Variants in EDA observed in about 807,000 individuals in gnomAD.
EDA encodes the protein ectodysplasin A, also known as ectodysplasin-A.
Under a neutral mutation model 23.6 loss-of-function variants are expected in EDA, and 2 were observed. The observed-to-expected ratio is 0.08, with a 90% confidence interval of 0.03 to 0.27. EDA has a LOEUF of 0.27. Ranked by LOEUF, EDA falls within the 10% of genes least tolerant of loss-of-function variation. The pLI, the probability that EDA is intolerant of heterozygous loss-of-function variation, is 1.00. For missense variants in EDA, 229 were observed against 324.2 expected (o/e 0.71, Z 2.26); for synonymous variants, 131 against 132.0 (o/e 0.99, Z 0.05).
At chrX:70,006,425 T>A (rs1029901428) in intron 2 of EDA, among the ~76,000 whole-genome samples, 1 of 112,340 alleles carries the variant, frequency 8.9e-6, no homozygotes, top group Non-Finnish European at 1.9e-5. Context: ...TTCTAAGAGA[T>A]GTTTGGTGCT....
At chrX:70,002,967 C>T (rs999786754) in intron 2 of EDA, among the ~76,000 whole-genome samples, 2 of 112,341 alleles carry the variant, frequency 1.8e-5, no homozygotes, top group South Asian at 7.5e-4. Context: ...TTTCTGCCAG[C>T]CATCTGCTGG....
rs748032215 is a variant in EDA at position 70,016,190 on chromosome X, A to G, written c.503-7028A>G. Reference sequence around the variant, plus strand: ...CAACAAGAAGACCTAGCTATCCTAAATATATATGTACCCAACACAGGAGTA... The same window carrying G: ...CAACAAGAAGACCTAGCTATCCTAAGTATATATGTACCCAACACAGGAGTA... On this transcript the variant is annotated intron_variant, in intron 2 of 7. Transcript: ENST00000374552. Among the ~76,000 whole-genome samples the G allele has an allele frequency of 1.5e-3, 171 of 112,000 alleles. 1 individual carries two copies. The highest frequency in any genetic ancestry group is 5.4e-3 in the African/African-American group (168 of 30,837).
At position 69,784,217 on chromosome X, in the gene EDA, A is replaced by G. The variant is rs1223654805; in HGVS notation, c.396+167513A>G. Reference sequence around the variant, plus strand: ...CCCTTTGTCAGATGAGTAGGTTGTGAAAATTTTCTCCCATTCTGTAGGTTG... The same window carrying G: ...CCCTTTGTCAGATGAGTAGGTTGTGGAAATTTTCTCCCATTCTGTAGGTTG... On this transcript the variant is annotated intron_variant, in intron 1 of 7. Coordinates refer to ENST00000374552, the MANE Select transcript of EDA (RefSeq NM_001399.5). Among the ~76,000 whole-genome samples, 3 of 98,597 alleles carry G rather than the reference A, an allele frequency of 3.0e-5. No individual in the cohort carries two copies. The Admixed American group carries it at 3.3e-4, about 11-fold the overall frequency. The allele number at this position is 98,597 out of a possible 115,157, so 85.6% of individuals were successfully genotyped here. A position where few individuals can be genotyped will look rare whatever the true frequency, so the allele number is the denominator to read the frequency against.
chrX:69,942,083 CT>C (rs1402380432), intron 1 of EDA, among the ~76,000 whole-genome samples: 2 of 111,815 alleles, frequency 1.8e-5, no homozygotes, highest in Admixed American at 1.9e-4. Context: ...ACACTCTACA[CT>C]TTAACTTCAT....
intron 3 of EDA, among the ~76,000 whole-genome samples, chrX:70,026,841 C>G (rs1331423415): frequency 9.1e-6 from 1 of 110,421 alleles, no homozygotes; most frequent in Non-Finnish European, 1.9e-5. Context: ...CTCAATATCT[C>G]TCTCTCTCCC....
intron 1 of EDA, among the ~76,000 whole-genome samples, chrX:69,728,148 C>T (rs1277427225): frequency 9.2e-6 from 1 of 108,260 alleles, no homozygotes; most frequent in African/African-American, 3.4e-5. Context: ...GGGAGGCTGA[C>T]GTGGGAGAAT....
At chrX:69,987,299 AATT>A (rs1196762761) in intron 2 of EDA, among the ~76,000 whole-genome samples, 1,209 of 93,277 alleles carry the variant, frequency 0.013, 17 homozygotes, top group African/African-American at 0.043. Context: ...TAAAAAAAAA[AATT>A]TTTTTTTTTA....
chrX:70,006,806 G>A (rs1602601035), intron 2 of EDA, among the ~76,000 whole-genome samples: 1 of 110,485 alleles, frequency 9.1e-6, no homozygotes, highest in African/African-American at 3.3e-5. Flanking sequence ...TTCTTTCACA[G>A]ATTGTGCTTT....
rs1411893471 is a variant in EDA, at chrX:70,037,547, A to T, written c.*1938A>T. The T allele has an allele frequency of 2.7e-5, 3 of 112,091 alleles. No homozygotes were observed. The highest frequency in any genetic ancestry group is 9.7e-5 in the African/African-American group (3 of 30,772). 9.2% of individuals were successfully genotyped at this position (112,091 alleles called of 1,213,427 possible). ...ATCATTGTTTAGATGAGGCTCAGAG[A>T]GGTAGCACTCTCAGAGTGTTTTGAC... On this transcript the variant is annotated 3_prime_UTR_variant, in exon 8 of 8. Coordinates refer to ENST00000374552, the MANE Select transcript of EDA (RefSeq NM_001399.5).
intron 1 of EDA, among the ~76,000 whole-genome samples, chrX:69,927,455 T>C (rs2018537675): frequency 8.9e-6 from 1 of 111,829 alleles, no homozygotes; most frequent in African/African-American, 3.2e-5. Flanking sequence ...AAAATTCTTT[T>C]CTAAGAATGT....
At chrX:69,822,536 G>A (rs2016255391) in intron 1 of EDA, among the ~76,000 whole-genome samples, 1 of 110,907 alleles carries the variant, frequency 9.0e-6, no homozygotes, top group South Asian at 3.9e-4. Flanking sequence ...GAGGGTGAGT[G>A]CCAAAAAGCC....
chrX:69,659,363 G>A (rs1464128038), intron 1 of EDA, among the ~76,000 whole-genome samples: 1 of 111,882 alleles, frequency 8.9e-6, no homozygotes, highest in African/African-American at 3.2e-5. Flanking sequence ...CACCACAGTG[G>A]TATTCCTGGG....
intron 1 of EDA, among the ~76,000 whole-genome samples, chrX:69,803,424 A>G (rs1569337805): frequency 9.0e-6 from 1 of 110,886 alleles, no homozygotes; most frequent in Non-Finnish European, 1.9e-5. Context: ...CAGTTTGTCC[A>G]TAAATAGGCC....
At chrX:69,874,622 T>C (rs1220689947) in intron 1 of EDA, among the ~76,000 whole-genome samples, 2 of 111,457 alleles carry the variant, frequency 1.8e-5, no homozygotes, top group Non-Finnish European at 3.8e-5. Flanking sequence ...CTATTCAACA[T>C]AGTACTGGAA....
At chrX:69,754,262 C>T (rs2147397724) in intron 1 of EDA, among the ~76,000 whole-genome samples, 1 of 111,579 alleles carries the variant, frequency 9.0e-6, no homozygotes, top group Non-Finnish European at 1.9e-5. Flanking sequence ...TAAGGCAGGC[C>T]TGGTGGTGAC....
intron 1 of EDA, among the ~76,000 whole-genome samples, chrX:69,722,259 G>A (rs2012611028): frequency 9.1e-6 from 1 of 110,229 alleles, no homozygotes. Context: ...AGGCTGGAGT[G>A]CAGTGGTGCT....
intron 1 of EDA, among the ~76,000 whole-genome samples, chrX:69,781,436 A>G (rs776716144): frequency 1.3e-4 from 15 of 111,752 alleles, no homozygotes; most frequent in Non-Finnish European, 2.3e-4. Context: ...TTATTGGAAC[A>G]CCACCACATT....
At chrX:69,930,878 T>C (rs752640770) in intron 1 of EDA, among the ~76,000 whole-genome samples, 74 of 111,507 alleles carry the variant, frequency 6.6e-4, no homozygotes, top group African/African-American at 2.2e-3. Flanking sequence ...ATACTAGGAA[T>C]AAACAATCAG....
intron 1 of EDA, among the ~76,000 whole-genome samples, chrX:69,699,361 G>A (rs1187795131): frequency 9.0e-6 from 1 of 111,186 alleles, no homozygotes; most frequent in Admixed American, 9.5e-5. Flanking sequence ...GAGAGAAGAA[G>A]GACAGGGACA....
Sources: gnomAD v4.1 joint callset for allele counts (sites outside exome capture counted in the v4.1 genomes callset) on GRCh38, gnomAD v4.1.1 for gene constraint, MANE v1.5 for transcripts, NCBI Gene and HGNC (gene_info 2026-07-23, HGNC 2026-07-21) for gene names.